PRKN: variants seen among roughly 807,000 people sequenced by gnomAD.
PRKN encodes E3 ubiquitin-protein ligase parkin.
A neutral mutation model predicts 59.5 loss-of-function variants in PRKN; 56 were observed. The ratio of observed to expected loss-of-function variants is 0.94; its 90% CI spans 0.76 to 1.18. The LOEUF is 1.18. Among genes scored for constraint, PRKN ranks in the 50% most tolerant of loss-of-function variants. The probability of loss-of-function intolerance (pLI) is 0.00; values close to 1 mark genes in which losing one functional copy is unlikely to be tolerated. For missense variants in PRKN, 657 were observed against 596.4 expected, an observed-to-expected ratio of 1.10 and a Z score of -1.06; for synonymous variants, 250 against 222.1, an observed-to-expected ratio of 1.13 and a Z score of -1.12.
intron 1 of PRKN, among the ~76,000 whole-genome samples, chr6:162,462,000 GACA>G (rs1202128057): frequency 1.3e-5 from 2 of 152,102 alleles, no homozygotes; most frequent in East Asian, 1.9e-4. Context: ...TACTCTTTTA[GACA>G]ACAACAGTGT....
At chr6:162,324,467 C>T (rs752105500) in intron 2 of PRKN, among the ~76,000 whole-genome samples, 2 of 151,954 alleles carry the variant, frequency 1.3e-5, no homozygotes, top group Admixed American at 1.3e-4. Context: ...TGAAAAGAAA[C>T]CCAAATTAAC....
chr6:162,568,989 C>A, intron 1 of PRKN: 1 of 684,246 alleles, frequency 1.5e-6, no homozygotes, highest in Non-Finnish European at 2.7e-6. Context: ...CCTCAGGCAG[C>A]TGTATGAAGA....
chr6:161,504,081 T>C (rs1482612085), intron 9 of PRKN, among the ~76,000 whole-genome samples: 1 of 152,216 alleles, frequency 6.6e-6, no homozygotes, highest in South Asian at 2.1e-4. Flanking sequence ...ACCGATGACA[T>C]GGGTATAGAG....
At chr6:161,408,317 TAAAAAAA>T (rs35131999) in intron 9 of PRKN, among the ~76,000 whole-genome samples, 14 of 99,560 alleles carry the variant, frequency 1.4e-4, no homozygotes, top group African/African-American at 4.1e-4. Flanking sequence ...GAAAAACTGG[TAAAAAAA>T]AAAAAAAAAA....
intron 2 of PRKN, among the ~76,000 whole-genome samples, chr6:162,414,388 G>A (rs1788502103): frequency 6.6e-6 from 1 of 151,962 alleles, no homozygotes; most frequent in Admixed American, 6.6e-5. Flanking sequence ...TTGTCTACAG[G>A]TGTTATGATG....
chr6:161,919,231 G>A (rs948837990), intron 6 of PRKN, among the ~76,000 whole-genome samples: 5 of 152,104 alleles, frequency 3.3e-5, no homozygotes, highest in African/African-American at 1.2e-4. Flanking sequence ...TCAAAATTAC[G>A]CTGAGGGAAA....
intron 1 of PRKN, among the ~76,000 whole-genome samples, chr6:162,467,884 C>T (rs1365136752): frequency 6.6e-6 from 1 of 152,124 alleles, no homozygotes; most frequent in Non-Finnish European, 1.5e-5. Flanking sequence ...CTGGATTTTA[C>T]ACCTTGGTAC....
chr6:161,879,492 C>T (rs541806976), intron 6 of PRKN, among the ~76,000 whole-genome samples: 76 of 152,080 alleles, frequency 5.0e-4, no homozygotes, highest in Admixed American at 1.6e-3. Context: ...GGACTATAGG[C>T]GTGAGCCACC....
At chr6:161,600,957 C>T (rs1782084024) in intron 7 of PRKN, among the ~76,000 whole-genome samples, 1 of 152,150 alleles carries the variant, frequency 6.6e-6, no homozygotes. Context: ...ATTACAGTTA[C>T]CCTTGGGAAT....
intron 1 of PRKN, among the ~76,000 whole-genome samples, chr6:162,456,514 G>T (rs927627421): frequency 5.5e-5 from 7 of 127,096 alleles, no homozygotes; most frequent in African/African-American, 1.7e-4. Context: ...TCTTATACAT[G>T]TTTTTGTTGC....
intron 3 of PRKN, among the ~76,000 whole-genome samples, chr6:162,229,492 G>A (rs2128085240): frequency 6.6e-6 from 1 of 152,324 alleles, no homozygotes; most frequent in East Asian, 1.9e-4. Context: ...CTCCAACAGA[G>A]GCTGGGCTTT....
chr6:161,785,950 T>G (rs1342782441), intron 6 of PRKN, 42 bp from the exon 7 acceptor site: 2 of 1,610,670 alleles, frequency 1.2e-6, no homozygotes, highest in Middle Eastern at 1.7e-4. Context: ...TACCTGTCAG[T>G]GTGGAAAGGC....
intron 4 of PRKN, among the ~76,000 whole-genome samples, chr6:162,168,010 TATTAAAAAATAAAAGAAA>T (rs1783067920): frequency 6.6e-6 from 1 of 152,166 alleles, no homozygotes. Flanking sequence ...TATTGAGATG[TATTAAAAAATAAAAGAAA>T]GACTTTGAAG....
chr6:162,612,128 G>C (rs1003316605), intron 1 of PRKN, among the ~76,000 whole-genome samples: 1 of 147,782 alleles, frequency 6.8e-6, no homozygotes, highest in African/African-American at 2.5e-5. Flanking sequence ...GGGAGGCGGA[G>C]CTTGCAGTGA....
intron 4 of PRKN, among the ~76,000 whole-genome samples, chr6:162,192,058 G>A (rs1448279489): frequency 6.6e-6 from 1 of 152,138 alleles, no homozygotes; most frequent in South Asian, 2.1e-4. Flanking sequence ...GTTCTTTAGA[G>A]AACCTTATTT....
intron 9 of PRKN, among the ~76,000 whole-genome samples, chr6:161,500,301 C>T (rs1357588203): frequency 6.6e-6 from 1 of 152,054 alleles, no homozygotes; most frequent in Non-Finnish European, 1.5e-5. Flanking sequence ...GCAAAATGTA[C>T]ATTGACACAT....
chr6:161,803,527 T>C (rs959812679), intron 6 of PRKN, among the ~76,000 whole-genome samples: 4 of 152,176 alleles, frequency 2.6e-5, no homozygotes, highest in African/African-American at 7.2e-5. Context: ...GATGGACTCA[T>C]TGAGCAGACT....
At chr6:162,273,725 T>C (rs1780489660) in intron 2 of PRKN, among the ~76,000 whole-genome samples, 1 of 152,146 alleles carries the variant, frequency 6.6e-6, no homozygotes, top group South Asian at 2.1e-4. Flanking sequence ...ATCCAATTCA[T>C]TGAGGGGAAA....
chr6:161,463,464 G>A lies in PRKN; in HGVS notation c.1084-76587C>T, dbSNP rs1419397579. ...TCCTGCCCCTCCTTGATTTTGGACA[G>A]GATGCATTTGGGATCTGGCAGCACT... On this transcript the variant is annotated intron_variant, in intron 9 of 11. Transcript: ENST00000366898. The surrounding 1 kb of genome is among the most constrained non-coding windows in gnomAD (Gnocchi z 4.8). Among the ~76,000 whole-genome samples the A allele has an allele frequency of 6.6e-6, 1 of 152,156 alleles. No individual in the cohort carries two copies. The highest frequency in any genetic ancestry group is 1.9e-4 in the East Asian group (1 of 5,190).
Sources: gnomAD v4.1 joint callset for allele counts (sites outside exome capture counted in the v4.1 genomes callset) on GRCh38, gnomAD v4.1.1 for gene constraint, Gnocchi (gnomAD v3.1) non-coding constraint, MANE v1.5 for transcripts, NCBI Gene and HGNC (gene_info 2026-07-23, HGNC 2026-07-21) for gene names.